Variants in ARHGAP15 observed in about 807,000 individuals in gnomAD.
ARHGAP15 encodes rho GTPase-activating protein 15.
Under a neutral mutation model 63.7 loss-of-function variants are expected in ARHGAP15, and 51 were observed. That is an observed-to-expected ratio of 0.80 (90% CI 0.64 to 1.01). The LOEUF is 1.01. Among genes scored for constraint, ARHGAP15 ranks in the 50% least tolerant of loss-of-function variants. The probability of loss-of-function intolerance (pLI) is 0.00; values close to 1 mark genes in which losing one functional copy is unlikely to be tolerated. For missense variants in ARHGAP15, 560 were observed against 564.6 expected, an observed-to-expected ratio of 0.99 and a Z score of 0.08; for synonymous variants, 191 against 193.8, an observed-to-expected ratio of 0.99 and a Z score of 0.12.
At chr2:143,419,149 A>T (rs1574421688) in intron 6 of ARHGAP15, among the ~76,000 whole-genome samples, 1 of 31,870 alleles carries the variant, frequency 3.1e-5, no homozygotes, top group East Asian at 1.7e-3. Flanking sequence ...AGAAATTCTA[A>T]GAAAAAAAAA....
At chr2:143,286,597 A>C (rs916203661) in intron 6 of ARHGAP15, among the ~76,000 whole-genome samples, 8 of 152,140 alleles carry the variant, frequency 5.3e-5, no homozygotes, top group Non-Finnish European at 1.0e-4. Flanking sequence ...GCTTCCTTTT[A>C]TTTTCTTCAG....
chr2:143,755,192 CTT>C (rs1686527916), intron 13 of ARHGAP15, among the ~76,000 whole-genome samples: 1 of 151,544 alleles, frequency 6.6e-6, no homozygotes, highest in Non-Finnish European at 1.5e-5. Context: ...GAATACTTCT[CTT>C]GATGGGGAAC....
At chr2:143,463,750 T>C (rs1422926746) in intron 8 of ARHGAP15, among the ~76,000 whole-genome samples, 1 of 152,198 alleles carries the variant, frequency 6.6e-6, no homozygotes, top group African/African-American at 2.4e-5. Context: ...TCTGATTAAC[T>C]TAAAGTCTGA....
intron 12 of ARHGAP15, among the ~76,000 whole-genome samples, chr2:143,652,593 G>C (rs907633165): frequency 3.3e-5 from 5 of 151,990 alleles, no homozygotes; most frequent in African/African-American, 1.2e-4. Flanking sequence ...ATTTAATGAG[G>C]TCTTCTTTAA....
At position 143,387,822 on chromosome 2, in the gene ARHGAP15, TACAC is replaced by T. The variant is rs941919734; in HGVS notation, c.475-47772_475-47769del. On this transcript the variant is annotated intron_variant, in intron 6 of 13. Coordinates refer to ENST00000295095, the MANE Select transcript of ARHGAP15 (RefSeq NM_018460.4). ...TTATCTGAAGGTGAAAGAATACACA[TACAC>T]ACACACGCATGCAAGCACACACACA... Among the ~76,000 whole-genome samples, 6 of 151,012 alleles carry T rather than the reference TACAC, an allele frequency of 4.0e-5. No homozygotes were observed. In the South Asian group the frequency reaches 1.0e-3, roughly 26 times the overall value.
rs148222403 is a variant in ARHGAP15 at position 143,378,393 on chromosome 2, T to C, written c.475-57208T>C. On this transcript the variant is annotated intron_variant, in intron 6 of 13. Coordinates refer to ENST00000295095, the MANE Select transcript of ARHGAP15 (RefSeq NM_018460.4). ...CTGGTATTAAGGCTAATGTTATGTA[T>C]CCATGTTACCTCTTGGCATATTGGG... is the stretch of plus-strand genomic sequence containing the variant. 5.9e-5 allele frequency among the ~76,000 whole-genome samples: 9 copies of C among 152,194 alleles called. No homozygotes were observed. In the East Asian group the frequency reaches 1.7e-3, roughly 29 times the overall value.
intron 11 of ARHGAP15, among the ~76,000 whole-genome samples, chr2:143,598,631 C>A (rs1187546958): frequency 1.3e-5 from 2 of 152,118 alleles, no homozygotes; most frequent in East Asian, 3.8e-4. Flanking sequence ...TTGGGCTGGG[C>A]TCAGTAGTTC....
At chr2:143,240,502 C>T (rs1308350439) in intron 5 of ARHGAP15, among the ~76,000 whole-genome samples, 1 of 152,024 alleles carries the variant, frequency 6.6e-6, no homozygotes, top group East Asian at 1.9e-4. Context: ...TTAAGAAGAT[C>T]ATGAAAAAAT....
chr2:143,480,805 A>G (rs1692042163), intron 8 of ARHGAP15: 1 of 152,246 alleles, frequency 6.6e-6, no homozygotes, highest in South Asian at 2.1e-4. Context: ...GGGGAAGGCA[A>G]AGCAGTATTT....
chr2:143,249,485 T>A (rs1189882013), intron 5 of ARHGAP15, among the ~76,000 whole-genome samples: 1 of 152,130 alleles, frequency 6.6e-6, no homozygotes, highest in Non-Finnish European at 1.5e-5. Flanking sequence ...TTAAAAACAT[T>A]GGCTAAAAAT....
At chr2:143,578,572 TG>T (rs978441780) in intron 11 of ARHGAP15, among the ~76,000 whole-genome samples, 4 of 151,872 alleles carry the variant, frequency 2.6e-5, no homozygotes, top group Non-Finnish European at 4.4e-5. Context: ...TTAAAAAAGG[TG>T]GGGGGGTAGT....
chr2:143,377,470 A>T (rs1686867006), intron 6 of ARHGAP15, among the ~76,000 whole-genome samples: 1 of 151,964 alleles, frequency 6.6e-6, no homozygotes. Context: ...AATATATTAC[A>T]TAAGAGTTAC....
At chr2:143,429,794 A>G (rs1689302278) in intron 6 of ARHGAP15, among the ~76,000 whole-genome samples, 1 of 152,146 alleles carries the variant, frequency 6.6e-6, no homozygotes, top group Non-Finnish European at 1.5e-5. Flanking sequence ...ACATCTTTAG[A>G]TATGTAGAAC....
chr2:143,509,118 C>A lies in ARHGAP15; in HGVS notation c.827-10148C>A, dbSNP rs147704332. Reference sequence around the variant, plus strand: ...CTCCGCTATCCTTGTTCGGGGAGATCCTCTTCCCCCAGGCTAGTCTCTCCG... The same window carrying A: ...CTCCGCTATCCTTGTTCGGGGAGATACTCTTCCCCCAGGCTAGTCTCTCCG... On this transcript the variant is annotated intron_variant, in intron 9 of 13. Transcript: ENST00000295095. Among the ~76,000 whole-genome samples, 29 of 152,264 alleles carry A rather than the reference C, an allele frequency of 1.9e-4. No homozygotes were observed. The East Asian group carries it at 4.4e-3, about 23-fold the overall frequency.
chr2:143,224,259 C>A (rs1037856674), intron 4 of ARHGAP15, among the ~76,000 whole-genome samples: 6 of 151,968 alleles, frequency 3.9e-5, no homozygotes, highest in Non-Finnish European at 5.9e-5. Context: ...CTAAGAATAC[C>A]TTAATAACTA....
chr2:143,178,578 C>A (rs1691100013), intron 2 of ARHGAP15, among the ~76,000 whole-genome samples: 1 of 152,112 alleles, frequency 6.6e-6, no homozygotes, highest in Non-Finnish European at 1.5e-5. Context: ...TATAAACCTA[C>A]AAACAAAATG....
intron 3 of ARHGAP15, among the ~76,000 whole-genome samples, chr2:143,214,122 C>T (rs535271557): frequency 2.0e-5 from 3 of 152,048 alleles, no homozygotes; most frequent in South Asian, 4.1e-4. Context: ...AAATGTCTAC[C>T]GAGGGATCTT....
chr2:143,570,599 T>C (rs1055278438), intron 11 of ARHGAP15, among the ~76,000 whole-genome samples: 1 of 152,224 alleles, frequency 6.6e-6, no homozygotes, highest in Non-Finnish European at 1.5e-5. Context: ...TGGCACATGC[T>C]GGAGATCAGT....
At chr2:143,720,273 T>G (rs933915284) in intron 13 of ARHGAP15, among the ~76,000 whole-genome samples, 1 of 151,808 alleles carries the variant, frequency 6.6e-6, no homozygotes, top group African/African-American at 2.4e-5. Context: ...AACAATACTT[T>G]ACCTAATTGA....
Sources: gnomAD v4.1 joint callset for allele counts (sites outside exome capture counted in the v4.1 genomes callset) on GRCh38, gnomAD v4.1.1 for gene constraint, MANE v1.5 for transcripts, NCBI Gene and HGNC (gene_info 2026-07-23, HGNC 2026-07-21) for gene names.